Variants in ROCK1 observed in about 807,000 individuals in gnomAD.
ROCK1 encodes the protein rho-associated protein kinase 1.
ROCK1 carries 36 observed loss-of-function variants against 196.8 expected under a neutral mutation model. That is an observed-to-expected ratio of 0.18 (90% CI 0.14 to 0.24). The LOEUF (loss-of-function observed/expected upper bound fraction) is 0.24. Among genes scored for constraint, ROCK1 ranks in the 10% least tolerant of loss-of-function variants. The pLI is 1.00. For synonymous variants in ROCK1, 443 were observed against 515.9 expected (o/e 0.86, Z 1.91); for missense variants, 920 against 1,562.0 (o/e 0.59, Z 6.93).
At chr18:21,017,997 A>T (rs2035879319) in intron 12 of ROCK1, among the ~76,000 whole-genome samples, 1 of 151,918 alleles carries the variant, frequency 6.6e-6, no homozygotes, top group Non-Finnish European at 1.5e-5. Flanking sequence ...CAAAAAAAAA[A>T]TAAATAAAAT....
chr18:21,062,229 T>A (rs754797688), intron 2 of ROCK1, among the ~76,000 whole-genome samples: 27 of 151,996 alleles, frequency 1.8e-4, no homozygotes, highest in African/African-American at 5.6e-4. Flanking sequence ...AGGGAAAATA[T>A]AAGATGAGCC....
intron 21 of ROCK1, among the ~76,000 whole-genome samples, chr18:20,980,906 A>C (rs2035526254): frequency 7.0e-6 from 1 of 143,570 alleles, no homozygotes; most frequent in African/African-American, 2.6e-5. Flanking sequence ...ACAGAGTGAG[A>C]TTCCATCTCA....
intron 1 of ROCK1, among the ~76,000 whole-genome samples, chr18:21,076,527 G>T (rs1334554952): frequency 6.6e-6 from 1 of 152,014 alleles, no homozygotes; most frequent in Admixed American, 6.6e-5. Flanking sequence ...ACAGTTAAAT[G>T]ATAAGTTTTA....
At chr18:21,088,760 C>A (rs2036547014) in intron 1 of ROCK1, among the ~76,000 whole-genome samples, 1 of 152,008 alleles carries the variant, frequency 6.6e-6, no homozygotes, top group African/African-American at 2.4e-5. Flanking sequence ...GAGTTTGGAC[C>A]CTTTTTGTCC....
chr18:21,046,859 T>G (rs2036164775), intron 4 of ROCK1, among the ~76,000 whole-genome samples: 1 of 152,206 alleles, frequency 6.6e-6, no homozygotes. Context: ...TTTGATTTTT[T>G]GTTTTTTTGT....
chr18:20,987,936 T>TA (rs2035590988), intron 18 of ROCK1, among the ~76,000 whole-genome samples: 1 of 152,198 alleles, frequency 6.6e-6, no homozygotes, highest in South Asian at 2.1e-4. Context: ...GCTCCAGACT[T>TA]AGATACCAAT....
intron 4 of ROCK1, among the ~76,000 whole-genome samples, chr18:21,045,671 AAG>A (rs1268221728): frequency 1.3e-5 from 2 of 152,182 alleles, no homozygotes; most frequent in East Asian, 3.8e-4. Context: ...AATTATTCAG[AAG>A]AGTTACATGG....
rs562525547 is a variant in ROCK1, at chr18:21,073,014, C to T, written c.94-2401G>A. On this transcript the variant is annotated intron_variant, in intron 1 of 32. Transcript: ENST00000399799. ...GCTTGAACCCGGGAGGCAGAGGTTGCGGTGAGCCAAAATCATGCCTCCAGC... is the reference window on the plus strand; with the variant it reads ...GCTTGAACCCGGGAGGCAGAGGTTGTGGTGAGCCAAAATCATGCCTCCAGC... Among the ~76,000 whole-genome samples, 9 of 118,464 alleles carry T rather than the reference C, an allele frequency of 7.6e-5. No individual in the cohort carries two copies. The South Asian group carries it at 1.4e-3, about 18-fold the overall frequency. The allele number at this position is 118,464 out of a possible 152,430, so 77.7% of individuals were successfully genotyped here.
chr18:21,087,210 AG>A (rs2036535201), intron 1 of ROCK1, among the ~76,000 whole-genome samples: 1 of 152,222 alleles, frequency 6.6e-6, no homozygotes, highest in African/African-American at 2.4e-5. Context: ...ATAAGTCAAA[AG>A]GGAATTACAA....
intron 19 of ROCK1, 22 bp from the exon 20 acceptor site, chr18:20,984,557 G>A: frequency 2.6e-6 from 4 of 1,557,040 alleles, no homozygotes; most frequent in Non-Finnish European, 3.5e-6. Context: ...AAAAATAATT[G>A]GGATCTTAAA....
intron 2 of ROCK1, among the ~76,000 whole-genome samples, chr18:21,061,998 C>T (rs1204914139): frequency 2.0e-5 from 3 of 152,068 alleles, no homozygotes; most frequent in Admixed American, 6.6e-5. Context: ...AGTCTAAACA[C>T]GTTTAACATG....
At chr18:21,087,044 T>C (rs972454451) in intron 1 of ROCK1, among the ~76,000 whole-genome samples, 8 of 152,014 alleles carry the variant, frequency 5.3e-5, no homozygotes, top group African/African-American at 1.9e-4. Context: ...CGAACAAGGG[T>C]AAAATGACAA....
intron 27 of ROCK1, among the ~76,000 whole-genome samples, chr18:20,963,907 A>G (rs576629274): frequency 1.3e-5 from 2 of 152,340 alleles, no homozygotes; most frequent in South Asian, 2.1e-4. Flanking sequence ...TCAAAGAGTT[A>G]TAAGTCAGAG....
At chr18:20,983,692 G>A (rs1040914432) in intron 20 of ROCK1, among the ~76,000 whole-genome samples, 4 of 152,056 alleles carry the variant, frequency 2.6e-5, no homozygotes, top group African/African-American at 4.8e-5. Context: ...ACACTTTTGC[G>A]AAAACGGTGG....
intron 27 of ROCK1, among the ~76,000 whole-genome samples, chr18:20,965,391 A>G (rs2035363468): frequency 7.2e-6 from 1 of 138,262 alleles, no homozygotes; most frequent in Admixed American, 7.8e-5. Context: ...TTTCATACAT[A>G]CATACATACA....
chr18:21,050,129 A>C (rs2036192244), intron 2 of ROCK1, among the ~76,000 whole-genome samples: 1 of 152,154 alleles, frequency 6.6e-6, no homozygotes, highest in Non-Finnish European at 1.5e-5. Flanking sequence ...ATTTGACTTA[A>C]CAGAATGTTT....
chr18:21,085,108 A>G (rs529119527), intron 1 of ROCK1, among the ~76,000 whole-genome samples: 1 of 152,198 alleles, frequency 6.6e-6, no homozygotes, highest in African/African-American at 2.4e-5. Context: ...AGGGAATAAA[A>G]GAGTTACTGT....
intron 12 of ROCK1, among the ~76,000 whole-genome samples, chr18:21,019,714 C>T (rs921819448): frequency 1.4e-4 from 21 of 151,098 alleles, no homozygotes; most frequent in Admixed American, 5.3e-4. Flanking sequence ...AGGAGAATGG[C>T]GTGAACCCGG....
At chr18:21,046,758 A>C (rs1255841145) in intron 4 of ROCK1, among the ~76,000 whole-genome samples, 1 of 152,232 alleles carries the variant, frequency 6.6e-6, no homozygotes, top group African/African-American at 2.4e-5. Flanking sequence ...ATGATCTCTA[A>C]TTTACCCAGA....
Sources: gnomAD v4.1 joint callset for allele counts (sites outside exome capture counted in the v4.1 genomes callset) on GRCh38, gnomAD v4.1.1 for gene constraint, MANE v1.5 for transcripts, NCBI Gene and HGNC (gene_info 2026-07-23, HGNC 2026-07-21) for gene names.